The following CAMK1D variants were observed in gnomAD, a reference collection of about 807,000 sequenced individuals.
CAMK1D encodes the protein calcium/calmodulin dependent protein kinase ID.
CAMK1D carries 9 observed loss-of-function variants against 47.7 expected under a neutral mutation model. The observed-to-expected ratio is 0.19, with a 90% confidence interval of 0.11 to 0.33. The LOEUF (loss-of-function observed/expected upper bound fraction) is 0.33. CAMK1D is among the 10% of genes least tolerant of loss of function. The pLI is 1.00. For missense variants in CAMK1D, 291 were observed against 488.7 expected, an observed-to-expected ratio of 0.60 and a Z score of 3.81; for synonymous variants, 184 against 184.9, an observed-to-expected ratio of 0.99 and a Z score of 0.04.
chr10:12,598,585 C>A (rs189050116), intron 2 of CAMK1D, among the ~76,000 whole-genome samples: 1 of 152,286 alleles, frequency 6.6e-6, no homozygotes, highest in Admixed American at 6.5e-5. Flanking sequence ...GATTTAAAAA[C>A]CGTGGATGCT....
At chr10:12,401,873 C>T (rs781163852) in intron 1 of CAMK1D, among the ~76,000 whole-genome samples, 57 of 140,312 alleles carry the variant, frequency 4.1e-4, no homozygotes, top group Non-Finnish European at 1.2e-4. Context: ...TTTGGTTGTC[C>T]GGGAATATAT....
intron 3 of CAMK1D, among the ~76,000 whole-genome samples, chr10:12,682,114 G>A (rs1156540664): frequency 6.6e-6 from 1 of 152,216 alleles, no homozygotes; most frequent in Admixed American, 6.5e-5. Context: ...CAACTACTCA[G>A]GAGGCTGAGG....
chr10:12,697,430 G>A (rs978322868), intron 3 of CAMK1D, among the ~76,000 whole-genome samples: 7 of 152,082 alleles, frequency 4.6e-5, no homozygotes, highest in East Asian at 1.9e-4. Context: ...ATGGAGTCTC[G>A]CTCCGTCACC....
At chr10:12,557,748 C>G (rs1250669811) in intron 2 of CAMK1D, among the ~76,000 whole-genome samples, 1 of 152,050 alleles carries the variant, frequency 6.6e-6, no homozygotes, top group African/African-American at 2.4e-5. Flanking sequence ...TGGTTTATTT[C>G]CACGCTATTT....
intron 3 of CAMK1D, among the ~76,000 whole-genome samples, chr10:12,715,431 A>C (rs1466154648): frequency 1.3e-5 from 2 of 152,204 alleles, no homozygotes; most frequent in Non-Finnish European, 2.9e-5. Context: ...AAATAATAGG[A>C]AAATGCCCCA....
chr10:12,422,838 C>T (rs771005191), intron 1 of CAMK1D, among the ~76,000 whole-genome samples: 19 of 151,622 alleles, frequency 1.3e-4, no homozygotes, highest in Non-Finnish European at 2.5e-4. Flanking sequence ...ATGCCTGGCT[C>T]ATTTTTGTAT....
intron 1 of CAMK1D, among the ~76,000 whole-genome samples, chr10:12,497,475 CAAAAAA>C (rs56786154): frequency 1.1e-5 from 1 of 88,864 alleles, no homozygotes. Flanking sequence ...GACTCCATCT[CAAAAAA>C]AAAAAAAAAA....
chr10:12,427,028 T>G (rs572232865), intron 1 of CAMK1D, among the ~76,000 whole-genome samples: 12 of 152,040 alleles, frequency 7.9e-5, no homozygotes, highest in African/African-American at 2.9e-4. Flanking sequence ...ATTTTCTGTT[T>G]TTAAAGAAAT....
intron 2 of CAMK1D, among the ~76,000 whole-genome samples, chr10:12,609,275 G>A (rs1041570389): frequency 2.1e-4 from 32 of 151,936 alleles, no homozygotes; most frequent in Admixed American, 6.6e-5. Flanking sequence ...ACTGTGTAGA[G>A]CATCGCTCCC....
intron 1 of CAMK1D, among the ~76,000 whole-genome samples, chr10:12,546,332 G>A (rs1836370246): frequency 6.6e-6 from 1 of 151,770 alleles, no homozygotes; most frequent in East Asian, 1.9e-4. Context: ...TCTTGTCAGC[G>A]GAAAACCTGA....
chr10:12,369,401 C>A (rs933532885), intron 1 of CAMK1D, among the ~76,000 whole-genome samples: 5 of 152,108 alleles, frequency 3.3e-5, no homozygotes, highest in Admixed American at 6.6e-5. Flanking sequence ...CCTGAGGGAA[C>A]TTTTTGGGGA....
Position 12,816,244 on chromosome 10 carries a change from G to A in CAMK1D, c.755-6G>A, listed in dbSNP as rs1002784006. ...ATTCCTTCCCTTGTGCCTTCTTTTT[G>A]AACAGCAAAAGACTTCATTCGGAAC... On this transcript the variant is annotated splice_region_variant and splice_polypyrimidine_tract_variant and intron_variant, in intron 7 of 10. Transcript: ENST00000619168. 1.2e-6 allele frequency: 2 copies of A among 1,612,562 alleles called. No homozygotes were observed. Among genetic ancestry groups the A allele is most frequent in the Non-Finnish European group, 1.7e-6 (2 of 1,179,278 alleles).
chr10:12,755,895 C>T (rs945227373), intron 3 of CAMK1D, among the ~76,000 whole-genome samples: 30 of 152,264 alleles, frequency 2.0e-4, no homozygotes, highest in African/African-American at 7.2e-4. Context: ...TTAGAAAACA[C>T]ATTTATAACC....
Position 12,730,220 on chromosome 10 carries a change from T to C in CAMK1D, c.300-30728T>C, listed in dbSNP as rs192129895. On this transcript the variant is annotated intron_variant, in intron 3 of 10. Coordinates refer to ENST00000619168, the MANE Select transcript of CAMK1D (RefSeq NM_153498.4). ...GAGATAGGGAGATGGGGTAGGATTCTGGATGTATCTTCAGGACCATTAGCA... is the reference window on the plus strand; with the variant it reads ...GAGATAGGGAGATGGGGTAGGATTCCGGATGTATCTTCAGGACCATTAGCA... 5.9e-3 allele frequency among the ~76,000 whole-genome samples: 895 copies of C among 152,198 alleles called. 11 individuals are homozygous for C. The highest frequency in any genetic ancestry group is 0.02 in the African/African-American group (841 of 41,532).
intron 1 of CAMK1D, among the ~76,000 whole-genome samples, chr10:12,453,048 C>T (rs1833134367): frequency 6.6e-6 from 1 of 152,172 alleles, no homozygotes; most frequent in Non-Finnish European, 1.5e-5. Context: ...ATTCTACTTT[C>T]TCCCTCTATG....
intron 1 of CAMK1D, among the ~76,000 whole-genome samples, chr10:12,434,204 A>G (rs764605009): frequency 3.9e-5 from 6 of 152,150 alleles, no homozygotes; most frequent in Non-Finnish European, 5.9e-5. Context: ...TCTCTTCCAA[A>G]TTAAAAAAAT....
intron 5 of CAMK1D, among the ~76,000 whole-genome samples, chr10:12,784,707 C>T (rs12570932): frequency 0.44 from 66,584 of 152,134 alleles, 15,164 homozygotes; most frequent in South Asian, 0.53. Flanking sequence ...TTGTTCCCTG[C>T]CTCTGCCCGT....
At chr10:12,452,094 G>A (rs541076907) in intron 1 of CAMK1D, among the ~76,000 whole-genome samples, 1 of 152,274 alleles carries the variant, frequency 6.6e-6, no homozygotes, top group Non-Finnish European at 1.5e-5. Context: ...AGTCAGGTGG[G>A]CGATGTTTGC....
At chr10:12,783,712 A>G (rs1837599369) in intron 5 of CAMK1D, among the ~76,000 whole-genome samples, 1 of 152,198 alleles carries the variant, frequency 6.6e-6, no homozygotes, top group Non-Finnish European at 1.5e-5. Flanking sequence ...TAAAAACAAG[A>G]TGAAAGGTTT....
Sources: gnomAD v4.1 joint callset for allele counts (sites outside exome capture counted in the v4.1 genomes callset) on GRCh38, gnomAD v4.1.1 for gene constraint, MANE v1.5 for transcripts, NCBI Gene and HGNC (gene_info 2026-07-23, HGNC 2026-07-21) for gene names.